OSBPL3: variants seen among roughly 807,000 people sequenced by gnomAD.
OSBPL3 encodes oxysterol-binding protein-related protein 3.
A neutral mutation model predicts 120.1 loss-of-function variants in OSBPL3; 65 were observed. The observed-to-expected ratio is 0.54, with a 90% CI of 0.44 to 0.67. OSBPL3 has a LOEUF of 0.67. OSBPL3 is among the 30% of genes least tolerant of loss of function. OSBPL3 has a pLI of 0.00. For missense variants in OSBPL3, 1,004 were observed against 1,082.1 expected, an observed-to-expected ratio of 0.93 and a Z score of 1.01; for synonymous variants, 416 against 402.6, an observed-to-expected ratio of 1.03 and a Z score of -0.40.
intron 2 of OSBPL3, among the ~76,000 whole-genome samples, chr7:24,880,446 T>C (rs1457360395): frequency 6.6e-6 from 1 of 152,060 alleles, no homozygotes; most frequent in African/African-American, 2.4e-5. Flanking sequence ...GCGGAACAAG[T>C]CTGTCTTTTG....
chr7:24,801,489 ACT>A (rs1792352308), intron 22 of OSBPL3, among the ~76,000 whole-genome samples: 1 of 152,074 alleles, frequency 6.6e-6, no homozygotes, highest in Admixed American at 6.5e-5. Context: ...GTGAACACAC[ACT>A]CTATTCCCTC....
At chr7:24,979,720 C>T (rs1410843925) in intron 1 of OSBPL3, among the ~76,000 whole-genome samples, 166 bp downstream of exon 1, 12 of 152,182 alleles carry the variant, frequency 7.9e-5, no homozygotes. Context: ...ACCCAAGCTC[C>T]CAGGCTTGGG....
At chr7:24,890,242 T>C (rs34340301) in intron 2 of OSBPL3, among the ~76,000 whole-genome samples, 6,456 of 152,320 alleles carry the variant, frequency 0.042, 181 homozygotes, top group Non-Finnish European at 0.06. Context: ...TATCTTTAGT[T>C]ATATTTTCAT....
Position 24,817,842 on chromosome 7 carries a change from A to G in OSBPL3, c.1949-1154T>C, listed in dbSNP as rs1415407237. ...GGTGACAAGTTAGATACAGACTGAA[A>G]AAGAACGAATTTATGAACAATGTCA... On this transcript the variant is annotated intron_variant, in intron 17 of 22. Coordinates refer to ENST00000313367, the MANE Select transcript of OSBPL3 (RefSeq NM_015550.4). This position sits in a 1 kb window ranked among gnomAD's most constrained non-coding sequence, Gnocchi z 4.0. Among the ~76,000 whole-genome samples, 1 of 152,220 alleles carries G rather than the reference A, an allele frequency of 6.6e-6. No individual in the cohort carries two copies. The highest frequency in any genetic ancestry group is 1.9e-4 in the East Asian group (1 of 5,200).
intron 12 of OSBPL3, among the ~76,000 whole-genome samples, chr7:24,844,036 C>A (rs1490654244): frequency 6.6e-6 from 1 of 152,222 alleles, no homozygotes; most frequent in Non-Finnish European, 1.5e-5. Flanking sequence ...TCCTGGCTGA[C>A]CAACACTGAA....
intron 12 of OSBPL3, among the ~76,000 whole-genome samples, 164 bp downstream of exon 12, chr7:24,848,905 G>A (rs1380258728): frequency 2.6e-5 from 4 of 152,222 alleles, no homozygotes; most frequent in African/African-American, 2.4e-5. Flanking sequence ...GTTTGAGCCC[G>A]AGACCCCAGT....
intron 17 of OSBPL3, among the ~76,000 whole-genome samples, 167 bp from the exon 18 acceptor site, chr7:24,816,855 G>A (rs185318556): frequency 2.1e-4 from 32 of 152,226 alleles, no homozygotes; most frequent in African/African-American, 7.5e-4. Context: ...ACCCCATATG[G>A]GCCCTTGGAG....
chr7:24,935,018 T>A (rs1426865553), intron 1 of OSBPL3, among the ~76,000 whole-genome samples: 1 of 152,184 alleles, frequency 6.6e-6, no homozygotes, highest in Non-Finnish European at 1.5e-5. Context: ...AAAAAATATG[T>A]ACAAGGTTGC....
chr7:24,892,551 T>A lies in OSBPL3; in HGVS notation c.-79A>T. On this transcript the variant is annotated 5_prime_UTR_variant, in exon 2 of 23. Coordinates refer to ENST00000313367, the MANE Select transcript of OSBPL3 (RefSeq NM_015550.4). ...GAGCCGAGAGTATGGAAGTCCCCAG[T>A]GGCAGGTGGTTTAGCTCTTATCCAA... The A allele has an allele frequency of 6.4e-7, 1 of 1,552,146 alleles. No individual in the cohort carries two copies. The highest frequency in any genetic ancestry group is 8.8e-7 in the Non-Finnish European group (1 of 1,137,724).
chr7:24,873,385 T>C lies in OSBPL3; in HGVS notation c.97-1316A>G, dbSNP rs1802429074. On this transcript the variant is annotated intron_variant, in intron 2 of 22. Coordinates refer to ENST00000313367, the MANE Select transcript of OSBPL3 (RefSeq NM_015550.4). The surrounding 1 kb of genome is among the most constrained non-coding windows in gnomAD (Gnocchi z 4.1). Reference sequence around the variant, plus strand: ...GGACCCACCTGGTAATGAGAACCCTTTCCTACGTTAGCAACTGAATTCTTT... The same window carrying C: ...GGACCCACCTGGTAATGAGAACCCTCTCCTACGTTAGCAACTGAATTCTTT... Among the ~76,000 whole-genome samples, 3 of 152,208 alleles carry C rather than the reference T, an allele frequency of 2.0e-5. No individual in the cohort carries two copies. Among genetic ancestry groups the C allele is most frequent in the Admixed American group, 2.0e-4 (3 of 15,284 alleles).
rs535182561 is a variant in OSBPL3 at position 24,873,533 on chromosome 7, G to A, written c.97-1464C>T. On this transcript the variant is annotated intron_variant, in intron 2 of 22. Transcript: ENST00000313367. This position sits in a 1 kb window ranked among gnomAD's most constrained non-coding sequence, Gnocchi z 4.1. ...TCCCAAGATCTGGAGTTGTGAAAAA[G>A]ACTTCTTCAATGGAAAAAAGCAAAG... Among the ~76,000 whole-genome samples the A allele has an allele frequency of 4.7e-4, 71 of 152,016 alleles. 1 individual carries two copies. The South Asian group carries it at 0.012, about 26-fold the overall frequency.
intron 1 of OSBPL3, among the ~76,000 whole-genome samples, chr7:24,943,771 A>G (rs142188784): frequency 0.012 from 1,785 of 152,334 alleles, 43 homozygotes; most frequent in African/African-American, 0.04. Flanking sequence ...TCACTATGAC[A>G]TGACTAAATT....
At chr7:24,960,711 C>T (rs1338179301) in intron 1 of OSBPL3, among the ~76,000 whole-genome samples, 4 of 152,176 alleles carry the variant, frequency 2.6e-5, no homozygotes, top group African/African-American at 9.7e-5. Flanking sequence ...GGTGACTTCA[C>T]AGCCAACTTT....
At chr7:24,908,398 T>C (rs1808270948) in intron 1 of OSBPL3, among the ~76,000 whole-genome samples, 1 of 152,202 alleles carries the variant, frequency 6.6e-6, no homozygotes, top group East Asian at 1.9e-4. Flanking sequence ...GTATTCATTC[T>C]AAAGTTTCAG....
At chr7:24,960,404 G>A (rs923146206) in intron 1 of OSBPL3, among the ~76,000 whole-genome samples, 1 of 152,110 alleles carries the variant, frequency 6.6e-6, no homozygotes, top group African/African-American at 2.4e-5. Context: ...TTAAAAATAG[G>A]AAAATAAATT....
chr7:24,867,847 T>C lies in OSBPL3; in HGVS notation c.382-1610A>G, dbSNP rs1171585258. Among the ~76,000 whole-genome samples, 1 of 152,244 alleles carries C rather than the reference T, an allele frequency of 6.6e-6. No individual in the cohort carries two copies. Among genetic ancestry groups the C allele is most frequent in the Non-Finnish European group, 1.5e-5 (1 of 68,052 alleles). Reference sequence around the variant, plus strand: ...GTATTATTTTTCTAACTTTTATTACTATCACACTCACAAACCTTTAGCCAT... The same window carrying C: ...GTATTATTTTTCTAACTTTTATTACCATCACACTCACAAACCTTTAGCCAT... On this transcript the variant is annotated intron_variant, in intron 5 of 22. Coordinates refer to ENST00000313367, the MANE Select transcript of OSBPL3 (RefSeq NM_015550.4). The surrounding 1 kb of genome is among the most constrained non-coding windows in gnomAD (Gnocchi z 4.5).
chr7:24,970,310 C>T lies in OSBPL3; in HGVS notation c.-150+9576G>A, dbSNP rs547878444. Among the ~76,000 whole-genome samples the T allele has an allele frequency of 1.1e-3, 167 of 152,004 alleles. 1 individual carries two copies. Among genetic ancestry groups the T allele is most frequent in the African/African-American group, 3.6e-3 (150 of 41,456 alleles). On this transcript the variant is annotated intron_variant, in intron 1 of 22. Transcript: ENST00000313367. Reference sequence around the variant, plus strand: ...TTAGTAGAGACTTGGTTTCACCACGCGGCCAGGCTGGTCTCGAACTCCTGA... The same window carrying T: ...TTAGTAGAGACTTGGTTTCACCACGTGGCCAGGCTGGTCTCGAACTCCTGA...
chr7:24,874,654 A>G (rs2128292859), intron 2 of OSBPL3, among the ~76,000 whole-genome samples: 1 of 152,106 alleles, frequency 6.6e-6, no homozygotes, highest in Non-Finnish European at 1.5e-5. Flanking sequence ...AACATAAATA[A>G]ACAAAAAAAG....
chr7:24,850,556 G>A (rs563479667), intron 11 of OSBPL3, among the ~76,000 whole-genome samples: 1 of 152,216 alleles, frequency 6.6e-6, no homozygotes, highest in South Asian at 2.1e-4. Flanking sequence ...CAGGGATGCT[G>A]GCTTTGTTTT....
Sources: gnomAD v4.1 joint callset for allele counts (sites outside exome capture counted in the v4.1 genomes callset) on GRCh38, gnomAD v4.1.1 for gene constraint, Gnocchi (gnomAD v3.1) non-coding constraint, MANE v1.5 for transcripts, NCBI Gene and HGNC (gene_info 2026-07-23, HGNC 2026-07-21) for gene names.